Variants in CHLSN observed in about 807,000 individuals in gnomAD.
The protein encoded by CHLSN is protein cholesin.
the CHLSN span, chr7:988,733 G>C: frequency 3.1e-3 from 4,979 of 1,599,444 alleles, 121 homozygotes; most frequent in African/African-American, 0.057. Flanking sequence ...CCCGCCTGGC[G>C]TCAGTCCGGC....
the CHLSN span, among the ~76,000 whole-genome samples, chr7:1,121,164 C>T: frequency 6.6e-6 from 1 of 152,242 alleles, no homozygotes; most frequent in Non-Finnish European, 1.5e-5. Context: ...TCTCAGTTCC[C>T]CCACACGTAA....
chr7:1,081,531 A>C, the CHLSN span, among the ~76,000 whole-genome samples: 1 of 152,208 alleles, frequency 6.6e-6, no homozygotes, highest in Non-Finnish European at 1.5e-5. Flanking sequence ...GGAGCCAGAA[A>C]GCCTGTGCTG....
the CHLSN span, among the ~76,000 whole-genome samples, chr7:1,101,298 C>T: frequency 1.3e-5 from 2 of 152,248 alleles, no homozygotes; most frequent in Admixed American, 6.5e-5. Flanking sequence ...AACAAACGCC[C>T]TGGACGCTGG....
the CHLSN span, among the ~76,000 whole-genome samples, chr7:1,036,305 T>C: frequency 2.0e-5 from 3 of 151,742 alleles, no homozygotes; most frequent in Non-Finnish European, 2.9e-5. Flanking sequence ...GTGCTCGTGC[T>C]GTGGCCGTGC....
At chr7:1,122,577 C>T in the CHLSN span, among the ~76,000 whole-genome samples, 21 of 152,192 alleles carry the variant, frequency 1.4e-4, no homozygotes, top group Non-Finnish European at 2.4e-4. Context: ...GTCACATGAC[C>T]TCCCACCATG....
chr7:1,099,305 C>G, the CHLSN span, among the ~76,000 whole-genome samples: 3 of 152,376 alleles, frequency 2.0e-5, no homozygotes, highest in East Asian at 5.8e-4. Flanking sequence ...TTCTGTCCCT[C>G]TGAAGCACAG....
chr7:1,102,592 A>G, the CHLSN span, among the ~76,000 whole-genome samples: 1 of 149,502 alleles, frequency 6.7e-6, no homozygotes, highest in East Asian at 1.9e-4. Flanking sequence ...TTTTTTTTTC[A>G]GAGCAGGAGC....
At chr7:1,133,333 G>A in the CHLSN span, among the ~76,000 whole-genome samples, 26,630 of 135,128 alleles carry the variant, frequency 0.2, 2,584 homozygotes, top group South Asian at 0.22. Context: ...TCTTGTGGCA[G>A]AAGGAAAAAG....
chr7:1,015,932 A>C, the CHLSN span, among the ~76,000 whole-genome samples: 1 of 151,806 alleles, frequency 6.6e-6, no homozygotes, highest in Admixed American at 6.6e-5. Context: ...AGACGGAAAT[A>C]CTCCTGACGC....
the CHLSN span, chr7:997,879 G>T: frequency 7.2e-7 from 1 of 1,397,184 alleles, no homozygotes. Flanking sequence ...ACAAGACGCT[G>T]CAGCCAAGGA....
the CHLSN span, among the ~76,000 whole-genome samples, chr7:1,020,347 G>A: frequency 6.6e-6 from 1 of 152,252 alleles, no homozygotes; most frequent in East Asian, 1.9e-4. Context: ...CACCAAAGGG[G>A]AGGCCCGCTC....
the CHLSN span, among the ~76,000 whole-genome samples, chr7:1,016,229 GCA>G: frequency 1.3e-5 from 1 of 75,294 alleles, no homozygotes; most frequent in African/African-American, 8.3e-5. Flanking sequence ...GCACACGCCA[GCA>G]CACAGCAGCA....
chr7:1,079,562 GA>G, the CHLSN span, among the ~76,000 whole-genome samples: 1 of 152,214 alleles, frequency 6.6e-6, no homozygotes, highest in African/African-American at 2.4e-5. Context: ...AAGAGGCCGG[GA>G]AAACATTCAA....
chr7:1,059,006 T>G, the CHLSN span: 1 of 183,380 alleles, frequency 5.5e-6, no homozygotes, highest in Non-Finnish European at 1.3e-5. Flanking sequence ...TAGCAAGGCC[T>G]GCCGGGTGTG....
chr7:1,017,650 G>A, the CHLSN span, among the ~76,000 whole-genome samples: 1 of 152,246 alleles, frequency 6.6e-6, no homozygotes. Context: ...CAATGCTTAC[G>A]AACTTTCCTG....
chr7:1,135,187 G>A, the CHLSN span, among the ~76,000 whole-genome samples: 2 of 152,092 alleles, frequency 1.3e-5, no homozygotes, highest in Non-Finnish European at 2.9e-5. Context: ...TTAGTGCTCA[G>A]CCTCCTCACT....
the CHLSN span, among the ~76,000 whole-genome samples, chr7:1,045,145 G>A: frequency 6.6e-6 from 1 of 152,232 alleles, no homozygotes; most frequent in Non-Finnish European, 1.5e-5. Context: ...GGAAGGCAGT[G>A]CTCTCCAGCC....
At chr7:1,107,490 G>A in the CHLSN span, among the ~76,000 whole-genome samples, 1 of 152,180 alleles carries the variant, frequency 6.6e-6, no homozygotes, top group African/African-American at 2.4e-5. Flanking sequence ...AAGACCATGA[G>A]ATGAAGGTTC....
the CHLSN span, among the ~76,000 whole-genome samples, chr7:1,001,416 T>G: frequency 9.7e-6 from 1 of 103,516 alleles, no homozygotes; most frequent in Non-Finnish European, 2.0e-5. Flanking sequence ...TGTGGGTGAG[T>G]GGAGTCCTGT....
Sources: allele counts gnomAD v4.1 joint callset (sites outside exome capture counted in the v4.1 genomes callset), GRCh38; gene constraint gnomAD v4.1.1; transcripts MANE v1.5; gene names NCBI Gene and HGNC (gene_info 2026-07-23, HGNC 2026-07-21).